The following SLC44A5 variants were observed in gnomAD, a reference collection of about 807,000 sequenced individuals.
SLC44A5 encodes the protein choline transporter-like protein 5.
In SLC44A5, 57 loss-of-function variants were observed where a neutral mutation model predicts 101.8. The observed-to-expected ratio is 0.56, with a 90% confidence interval of 0.45 to 0.70. The LOEUF (loss-of-function observed/expected upper bound fraction) is 0.70. Among genes scored for constraint, SLC44A5 ranks in the 30% least tolerant of loss-of-function variants. The probability of loss-of-function intolerance (pLI) is 0.00; values close to 1 mark genes in which losing one functional copy is unlikely to be tolerated. For synonymous variants in SLC44A5, 281 were observed against 290.9 expected, an observed-to-expected ratio of 0.97 and a Z score of 0.35; for missense variants, 737 against 853.1, an observed-to-expected ratio of 0.86 and a Z score of 1.70.
chr1:75,290,585 C>T (rs902173405), intron 5 of SLC44A5, among the ~76,000 whole-genome samples: 1 of 152,082 alleles, frequency 6.6e-6, no homozygotes, highest in African/African-American at 2.4e-5. Flanking sequence ...TGTTGTGACC[C>T]ATCAGCAAGA....
the SLC44A5 span, among the ~76,000 whole-genome samples, chr1:75,675,172 A>G: frequency 6.6e-6 from 1 of 152,222 alleles, no homozygotes; most frequent in South Asian, 2.1e-4. Flanking sequence ...GTTTAATAGA[A>G]ATAGCATTAA....
At chr1:75,613,694 C>T (rs571639744), upstream of SLC44A5, among the ~76,000 whole-genome samples, 28 of 152,318 alleles carry the variant, frequency 1.8e-4, no homozygotes, top group African/African-American at 6.3e-4. Flanking sequence ...GACCACATGT[C>T]GTAAGAAAGC....
chr1:75,678,743 T>C, the SLC44A5 span, among the ~76,000 whole-genome samples: 136,617 of 151,730 alleles, frequency 0.9, 61,718 homozygotes, highest in Non-Finnish European at 0.93. Context: ...TCACCAGCAA[T>C]GGAACAAAGC....
intron 3 of SLC44A5, among the ~76,000 whole-genome samples, chr1:75,395,664 C>T (rs1170149410): frequency 1.3e-5 from 2 of 151,992 alleles, no homozygotes; most frequent in Non-Finnish European, 2.9e-5. Context: ...TTTATTTAAT[C>T]GACAAACAAT....
chr1:75,332,846 C>T (rs898291289), intron 4 of SLC44A5, among the ~76,000 whole-genome samples: 1 of 152,160 alleles, frequency 6.6e-6, no homozygotes, highest in African/African-American at 2.4e-5. Context: ...TGGACACACA[C>T]CACACATTCT....
intron 2 of SLC44A5, among the ~76,000 whole-genome samples, chr1:75,489,628 T>A (rs978639753): frequency 6.3e-4 from 96 of 152,110 alleles, no homozygotes; most frequent in African/African-American, 2.2e-3. Flanking sequence ...GCACAGTGAG[T>A]CTCCATCATA....
At chr1:75,229,546 A>T (rs1647368077) in intron 12 of SLC44A5, among the ~76,000 whole-genome samples, 1 of 151,896 alleles carries the variant, frequency 6.6e-6, no homozygotes, top group Non-Finnish European at 1.5e-5. Context: ...GTCTAACTCC[A>T]TTGCTTCCAA....
intron 4 of SLC44A5, among the ~76,000 whole-genome samples, chr1:75,328,184 C>T (rs923919425): frequency 1.3e-5 from 2 of 152,158 alleles, no homozygotes; most frequent in Non-Finnish European, 2.9e-5. Context: ...GAAAAATAAT[C>T]TATTTTCCCA....
intron 2 of SLC44A5, among the ~76,000 whole-genome samples, chr1:75,402,108 C>T (rs567520662): frequency 2.0e-5 from 3 of 152,206 alleles, no homozygotes; most frequent in African/African-American, 7.2e-5. Context: ...TTGAACACAA[C>T]ATTTTGATAG....
chr1:75,355,050 C>T (rs568381899), intron 3 of SLC44A5, among the ~76,000 whole-genome samples: 3 of 152,312 alleles, frequency 2.0e-5, no homozygotes, highest in Admixed American at 6.5e-5. Context: ...CAGTTACCGT[C>T]ATAAATGAGA....
At chr1:75,409,387 C>T (rs1663122936) in intron 2 of SLC44A5, among the ~76,000 whole-genome samples, 1 of 152,110 alleles carries the variant, frequency 6.6e-6, no homozygotes. Context: ...ATCCATGTAA[C>T]AAACCTGCAC....
At chr1:75,643,521 A>T in the SLC44A5 span, among the ~76,000 whole-genome samples, 1 of 152,174 alleles carries the variant, frequency 6.6e-6, no homozygotes, top group Non-Finnish European at 1.5e-5. Context: ...CCTTTAGGTC[A>T]TTGGTTTGGC....
intron 1 of SLC44A5, chr1:75,582,541 C>T (rs1673756743): frequency 1.9e-6 from 1 of 525,850 alleles, no homozygotes; most frequent in Admixed American, 3.0e-5. Context: ...GCGCCCAGGC[C>T]ACTACAAAGG....
the SLC44A5 span, among the ~76,000 whole-genome samples, chr1:75,630,077 T>C: frequency 6.6e-6 from 1 of 152,210 alleles, no homozygotes; most frequent in Non-Finnish European, 1.5e-5. Flanking sequence ...TCATTGTTTC[T>C]GATATCTGTG....
rs536959270 is a variant in SLC44A5, at chr1:75,222,471, GAA to G, written c.986-13_986-12del. On this transcript the variant is annotated splice_polypyrimidine_tract_variant and intron_variant, in intron 13 of 23. Coordinates refer to ENST00000370859, the MANE Select transcript of SLC44A5 (RefSeq NM_001130058.2). ...TGCAGAGTATTATCACTTTGAACAGGAAAAAAAAAATCAGTCTGTAATACAAG... is the reference window on the plus strand; with the variant it reads ...TGCAGAGTATTATCACTTTGAACAGGAAAAAAAATCAGTCTGTAATACAAG... The G allele has an allele frequency of 1.4e-6, 2 of 1,453,972 alleles. No homozygotes were observed. The highest frequency in any genetic ancestry group is 2.4e-5 in the East Asian group (1 of 41,332). The allele number at this position is 1,453,972 out of a possible 1,614,324, so 90.1% of individuals were successfully genotyped here.
intron 2 of SLC44A5, among the ~76,000 whole-genome samples, chr1:75,527,429 C>A (rs1670483362): frequency 6.6e-6 from 1 of 151,624 alleles, no homozygotes; most frequent in South Asian, 2.1e-4. Context: ...CACAGAAAGC[C>A]AAAAAAGCAT....
At chr1:75,483,659 A>G (rs956411342) in intron 2 of SLC44A5, among the ~76,000 whole-genome samples, 3 of 152,182 alleles carry the variant, frequency 2.0e-5, no homozygotes, top group Non-Finnish European at 4.4e-5. Flanking sequence ...AATGTTAATT[A>G]TGTTACTTTA....
intron 2 of SLC44A5, among the ~76,000 whole-genome samples, chr1:75,432,696 G>A (rs565385380): frequency 6.6e-6 from 1 of 152,138 alleles, no homozygotes; most frequent in African/African-American, 2.4e-5. Flanking sequence ...TGGCTAGGTG[G>A]AGTCTTAGTA....
intron 6 of SLC44A5, among the ~76,000 whole-genome samples, chr1:75,267,575 A>G (rs1472548278): frequency 2.0e-5 from 3 of 152,062 alleles, no homozygotes; most frequent in Admixed American, 2.0e-4. Context: ...AATTCAAACA[A>G]GGTCTGGCTC....
Sources: allele counts gnomAD v4.1 joint callset (sites outside exome capture counted in the v4.1 genomes callset), GRCh38; gene constraint gnomAD v4.1.1; transcripts MANE v1.5; gene names NCBI Gene and HGNC (gene_info 2026-07-23, HGNC 2026-07-21).